The following CELF2 variants were observed in gnomAD, a reference collection of about 807,000 sequenced individuals.
CELF2 encodes CUGBP Elav-like family member 2.
Under a neutral mutation model 62.6 loss-of-function variants are expected in CELF2, and 8 were observed. The ratio of observed to expected loss-of-function variants is 0.13; its 90% CI spans 0.07 to 0.23. The LOEUF (loss-of-function observed/expected upper bound fraction) is 0.23. CELF2 is among the 10% of genes least tolerant of loss of function. CELF2 has a pLI of 1.00. For synonymous variants in CELF2, 258 were observed against 250.0 expected, an observed-to-expected ratio of 1.03 and a Z score of -0.30; for missense variants, 333 against 671.0, an observed-to-expected ratio of 0.50 and a Z score of 5.56.
chr10:10,883,917 T>C (rs2061592701), intron 1 of CELF2, among the ~76,000 whole-genome samples: 2 of 151,418 alleles, frequency 1.3e-5, no homozygotes, highest in Admixed American at 1.3e-4. Flanking sequence ...CTCTTCCTCC[T>C]CCTCCTCCTT....
At chr10:10,698,400 C>T in the CELF2 span, among the ~76,000 whole-genome samples, 2 of 152,114 alleles carry the variant, frequency 1.3e-5, no homozygotes, top group African/African-American at 2.4e-5. Context: ...CAACATCTCT[C>T]GGGATACAAG....
In CELF2 at chr10:11,315,921, G is replaced by T. The variant is rs896051897; in HGVS notation, c.1096+1663G>T. On this transcript the variant is annotated intron_variant, in intron 10 of 12. Transcript: ENST00000633077. This position sits in a 1 kb window ranked among gnomAD's most constrained non-coding sequence, Gnocchi z 5.8. ...CTAAAACAAGGACTTTGATTTGACC[G>T]CCTGCCTGTCCTTGGTCTGCAGAGT... Among the ~76,000 whole-genome samples the T allele has an allele frequency of 2.0e-5, 3 of 152,194 alleles. No individual in the cohort carries two copies. The highest frequency in any genetic ancestry group is 7.2e-5 in the African/African-American group (3 of 41,438).
chr10:11,141,572 A>G (rs370673377), intron 1 of CELF2, among the ~76,000 whole-genome samples: 6 of 152,224 alleles, frequency 3.9e-5, no homozygotes, highest in South Asian at 2.1e-4. Flanking sequence ...TGGAAAACAC[A>G]TTTGTGTGGT....
chr10:10,973,795 T>C (rs1222226538), intron 2 of CELF2, among the ~76,000 whole-genome samples: 1 of 152,146 alleles, frequency 6.6e-6, no homozygotes, highest in Non-Finnish European at 1.5e-5. Context: ...CTCGAACTTC[T>C]GCGCCCCAAC....
intron 1 of CELF2, among the ~76,000 whole-genome samples, chr10:10,824,305 GTATT>G (rs752709209): frequency 2.0e-5 from 3 of 152,268 alleles, no homozygotes; most frequent in Non-Finnish European, 4.4e-5. Flanking sequence ...TTTTCAAAAT[GTATT>G]TATTTATTTG....
rs2065592173 is a variant in CELF2, at chr10:11,057,552, A to C, written c.74+39389A>C. ...CCACGGCCTTGTGGGGGAGGATAGC[A>C]TTTGAATAAGTGTTGATCCAAAGAG... On this transcript the variant is annotated intron_variant, in intron 1 of 12. Transcript: ENST00000633077. Among the ~76,000 whole-genome samples, 3 of 152,232 alleles carry C rather than the reference A, an allele frequency of 2.0e-5. No homozygotes were observed. In the South Asian group the frequency reaches 6.2e-4, roughly 31 times the overall value.
At chr10:11,249,077 C>A in intron 3 of CELF2, 76 bp from the exon 4 acceptor site, 2 of 1,169,558 alleles carry the variant, frequency 1.7e-6, no homozygotes, top group South Asian at 2.5e-5. Context: ...TATCAGTAAT[C>A]GAATTGCTGC....
At chr10:10,589,593 A>G in the CELF2 span, among the ~76,000 whole-genome samples, 6,906 of 152,150 alleles carry the variant, frequency 0.045, 473 homozygotes, top group East Asian at 0.27. Flanking sequence ...ACCCCATTTG[A>G]GAGAATGTGA....
intron 8 of CELF2, among the ~76,000 whole-genome samples, chr10:11,276,640 A>G (rs1344552925): frequency 1.3e-5 from 2 of 152,158 alleles, no homozygotes; most frequent in African/African-American, 4.8e-5. Context: ...CATAGTATGG[A>G]CTCACCAGGA....
At chr10:10,777,518 A>G in the CELF2 span, among the ~76,000 whole-genome samples, 8 of 152,044 alleles carry the variant, frequency 5.3e-5, no homozygotes, top group African/African-American at 1.9e-4. Context: ...CCTTCGCGAC[A>G]TCTTTCTGTT....
intron 2 of CELF2, among the ~76,000 whole-genome samples, chr10:11,210,875 T>C (rs2135664449): frequency 6.6e-6 from 1 of 152,370 alleles, no homozygotes; most frequent in South Asian, 2.1e-4. Context: ...GCTTTGCATG[T>C]ATGTATCACA....
the CELF2 span, among the ~76,000 whole-genome samples, chr10:10,664,110 G>C: frequency 6.6e-6 from 1 of 152,078 alleles, no homozygotes; most frequent in African/African-American, 2.4e-5. Flanking sequence ...AGATAGGTAG[G>C]CAAAAACACA....
chr10:10,838,703 CT>C (rs1298755166), intron 1 of CELF2, among the ~76,000 whole-genome samples: 1 of 152,128 alleles, frequency 6.6e-6, no homozygotes, highest in Non-Finnish European at 1.5e-5. Flanking sequence ...TGTATATGTC[CT>C]TTGACACATT....
At position 11,319,404 on chromosome 10, in the gene CELF2, A is replaced by G. The variant is rs1414899850; in HGVS notation, c.1097-1785A>G. Reference sequence around the variant, plus strand: ...CCAGCCCTCTGGTGGCCATAGTAACAGGGACAGAGGGGAAGCACAGCGGCA... The same window carrying G: ...CCAGCCCTCTGGTGGCCATAGTAACGGGGACAGAGGGGAAGCACAGCGGCA... On this transcript the variant is annotated intron_variant, in intron 10 of 12. Transcript: ENST00000633077. The surrounding 1 kb of genome is among the most constrained non-coding windows in gnomAD (Gnocchi z 4.4). Among the ~76,000 whole-genome samples, 1 of 152,178 alleles carries G rather than the reference A, an allele frequency of 6.6e-6. No individual in the cohort carries two copies. The highest frequency in any genetic ancestry group is 2.4e-5 in the African/African-American group (1 of 41,438).
intron 2 of CELF2, among the ~76,000 whole-genome samples, chr10:10,989,849 A>G (rs955079458): frequency 6.6e-6 from 1 of 152,170 alleles, no homozygotes; most frequent in Admixed American, 6.5e-5. Flanking sequence ...AAAAGTAGAC[A>G]AAGGACAATA....
intron 2 of CELF2, among the ~76,000 whole-genome samples, chr10:11,204,863 C>T (rs538304427): frequency 2.9e-4 from 44 of 152,280 alleles, no homozygotes; most frequent in African/African-American, 1.0e-3. Context: ...GTTTTTTCTT[C>T]CTCTATTGTT....
intron 1 of CELF2, among the ~76,000 whole-genome samples, chr10:10,853,390 G>A (rs7082830): frequency 0.13 from 19,586 of 152,104 alleles, 1,627 homozygotes; most frequent in Non-Finnish European, 0.19. Context: ...CAGGTAGGGG[G>A]GCAGTTGGGG....
At chr10:11,033,167 C>T (rs1414249059) in intron 1 of CELF2, among the ~76,000 whole-genome samples, 1 of 152,120 alleles carries the variant, frequency 6.6e-6, no homozygotes, top group Admixed American at 6.5e-5. Context: ...TCAAATATCA[C>T]TGTCCAGTGG....
intron 2 of CELF2, among the ~76,000 whole-genome samples, chr10:11,205,048 G>T (rs926103165): frequency 6.6e-6 from 1 of 152,180 alleles, no homozygotes. Context: ...CCCTGAATAA[G>T]AAAGTCATGA....
Sources: gnomAD v4.1 joint callset for allele counts (sites outside exome capture counted in the v4.1 genomes callset) on GRCh38, gnomAD v4.1.1 for gene constraint, Gnocchi (gnomAD v3.1) non-coding constraint, MANE v1.5 for transcripts, NCBI Gene and HGNC (gene_info 2026-07-23, HGNC 2026-07-21) for gene names.